The following PIWIL4 variants were observed in gnomAD, a reference collection of about 807,000 sequenced individuals.
The protein encoded by PIWIL4 is piwi-like protein 4.
Under a neutral mutation model 100.9 loss-of-function variants are expected in PIWIL4, and 50 were observed. The observed-to-expected ratio is 0.50, with a 90% CI of 0.39 to 0.63. PIWIL4 has a LOEUF of 0.63. Ranked by LOEUF, PIWIL4 falls within the 20% of genes least tolerant of loss-of-function variation. PIWIL4 has a pLI of 0.00. For synonymous variants in PIWIL4, 342 were observed against 367.5 expected (o/e 0.93, Z 0.79); for missense variants, 887 against 1,043.3 (o/e 0.85, Z 2.06).
Position 94,587,196 on chromosome 11 carries a change from G to A in PIWIL4, c.863G>A (p.Cys288Tyr), listed in dbSNP as rs1328228344. The A allele has an allele frequency of 6.2e-7, 1 of 1,614,028 alleles. No homozygotes were observed. The highest frequency in any genetic ancestry group is 1.3e-5 in the African/African-American group (1 of 74,924). ...TALCQRTGLS[C>Y]FTQTCEKQLI... is the part of the protein sequence containing the mutation. ...CTCTGTCAAAGAACTGGCTTGTCCT[G>A]TTTCACCCAGACGTGTGAGAAGCAG... Residue 288 changes from cysteine to tyrosine, a missense_variant, in exon 7 of 20, where the codon TGT (cysteine) becomes TAT (tyrosine). By Grantham distance (194) the Cys-to-Tyr change is radical. This residue lies in a region of PIWIL4 where 741 missense variants were observed against 930.0 expected (regional missense o/e 0.80). Coordinates refer to ENST00000299001, the MANE Select transcript of PIWIL4 (RefSeq NM_152431.3).
intron 4 of PIWIL4, among the ~76,000 whole-genome samples, chr11:94,578,088 T>A (rs1278902287): frequency 6.6e-6 from 1 of 152,144 alleles, no homozygotes; most frequent in Non-Finnish European, 1.5e-5. Context: ...CTCAAGAAAC[T>A]ATTGCCATGA....
chr11:94,570,034 A>G (rs1948129392), intron 2 of PIWIL4, among the ~76,000 whole-genome samples: 1 of 152,138 alleles, frequency 6.6e-6, no homozygotes. Context: ...GATGGTAGAA[A>G]CCTGGTATCT....
At chr11:94,582,841 C>T (rs889694274) in intron 4 of PIWIL4, among the ~76,000 whole-genome samples, 5 of 151,964 alleles carry the variant, frequency 3.3e-5, no homozygotes, top group African/African-American at 1.2e-4. Context: ...GTTTACTTTC[C>T]CTCTCATTTA....
chr11:94,606,129 G>T (rs886311292), intron 13 of PIWIL4, among the ~76,000 whole-genome samples: 2 of 152,098 alleles, frequency 1.3e-5, no homozygotes, highest in East Asian at 3.9e-4. Context: ...AATGTATGTT[G>T]CATGGCTCCT....
chr11:94,613,243 T>C (rs999717141), intron 15 of PIWIL4, among the ~76,000 whole-genome samples: 1 of 152,244 alleles, frequency 6.6e-6, no homozygotes. Context: ...GTATTCTTGA[T>C]AGATCAGTAG....
At chr11:94,573,705 T>C (rs913428267) in intron 2 of PIWIL4, among the ~76,000 whole-genome samples, 4 of 152,158 alleles carry the variant, frequency 2.6e-5, no homozygotes, top group African/African-American at 9.7e-5. Flanking sequence ...ATGATGAAAA[T>C]CCTTCATCCT....
intron 6 of PIWIL4, among the ~76,000 whole-genome samples, chr11:94,585,899 C>G (rs1565273503): frequency 6.6e-6 from 1 of 152,106 alleles, no homozygotes; most frequent in Non-Finnish European, 1.5e-5. Flanking sequence ...GAGAAGCCAA[C>G]CAAATAACTC....
At chr11:94,583,239 AG>A (rs1272513013) in intron 4 of PIWIL4, among the ~76,000 whole-genome samples, 3 of 152,158 alleles carry the variant, frequency 2.0e-5, no homozygotes, top group African/African-American at 4.8e-5. Context: ...GAAGTTAGAG[AG>A]TAGAGAGATG....
At chr11:94,616,810 G>T (rs1948852979) in intron 16 of PIWIL4, among the ~76,000 whole-genome samples, 2 of 152,196 alleles carry the variant, frequency 1.3e-5, no homozygotes, top group Admixed American at 6.5e-5. Context: ...ATTTGTGGCT[G>T]CTGGTTTCCC....
intron 4 of PIWIL4, among the ~76,000 whole-genome samples, chr11:94,583,042 ATATGTGTG>A (rs1049682146): frequency 1.8e-4 from 25 of 140,428 alleles, no homozygotes; most frequent in Middle Eastern, 3.4e-3. Flanking sequence ...GTATATATAT[ATATGTGTG>A]TGTGTGTGTG....
chr11:94,574,533 G>A (rs982007023), intron 2 of PIWIL4, among the ~76,000 whole-genome samples: 4 of 152,152 alleles, frequency 2.6e-5, no homozygotes, highest in African/African-American at 7.2e-5. Context: ...ACAGGGTCTC[G>A]CCCTGTCGCC....
chr11:94,586,238 C>G (rs1478677040), intron 6 of PIWIL4, among the ~76,000 whole-genome samples: 1 of 151,868 alleles, frequency 6.6e-6, no homozygotes, highest in Non-Finnish European at 1.5e-5. Context: ...TCTGTCCACC[C>G]GGATTAGAAA....
chr11:94,590,082 A>G (rs1948462081), intron 8 of PIWIL4, among the ~76,000 whole-genome samples: 1 of 152,268 alleles, frequency 6.6e-6, no homozygotes, highest in Admixed American at 6.5e-5. Flanking sequence ...AAACAAAAAC[A>G]AAAACCCTTT....
rs768722014 is a variant in PIWIL4, at chr11:94,619,794, T to C, written c.2203T>C (p.Cys735Arg). ...RLSVIVVRKK[C>R]MPRFFTEMNR... Reference sequence around the variant, plus strand: ...GTCGGTGATTGTGGTCAGGAAGAAGTGCATGCCACGATTCTTTACCGAAAT... The same window carrying C: ...GTCGGTGATTGTGGTCAGGAAGAAGCGCATGCCACGATTCTTTACCGAAAT... Residue 735 changes from cysteine (C) to arginine (R), a missense_variant, in exon 18 of 20, where the codon TGC becomes CGC. Coordinates refer to ENST00000299001, the MANE Select transcript of PIWIL4 (RefSeq NM_152431.3). 8 of 1,614,064 alleles carry C rather than the reference T, an allele frequency of 5.0e-6. No individual in the cohort carries two copies. Among genetic ancestry groups the C allele is most frequent in the African/African-American group, 2.7e-5 (2 of 74,940 alleles).
chr11:94,572,772 G>T (rs1017654925), intron 2 of PIWIL4, among the ~76,000 whole-genome samples: 1 of 152,190 alleles, frequency 6.6e-6, no homozygotes, highest in African/African-American at 2.4e-5. Flanking sequence ...GGCAATGTGC[G>T]TTCTTTTTTG....
intron 1 of PIWIL4, among the ~76,000 whole-genome samples, 181 bp from the exon 2 acceptor site, chr11:94,568,549 C>T (rs915103437): frequency 1.3e-5 from 2 of 152,184 alleles, no homozygotes; most frequent in Non-Finnish European, 2.9e-5. Flanking sequence ...AAAACTATAG[C>T]GTGTCCTTAT....
chr11:94,575,232 C>A, intron 3 of PIWIL4, 102 bp downstream of exon 3: 1 of 1,188,972 alleles, frequency 8.4e-7, no homozygotes, highest in Non-Finnish European at 1.2e-6. Flanking sequence ...GTTTGCTTAA[C>A]AGATATTTAC....
intron 11 of PIWIL4, among the ~76,000 whole-genome samples, chr11:94,599,824 CAA>C (rs1374963554): frequency 6.6e-6 from 1 of 152,146 alleles, no homozygotes. Context: ...GTTTGTAAAA[CAA>C]GAGGATTGGG....
In PIWIL4 at chr11:94,604,827, A is replaced by AG. The variant is rs1409045589; in HGVS notation, c.1638+771_1638+772insG. Among the ~76,000 whole-genome samples, 5 of 152,162 alleles carry AG rather than the reference A, an allele frequency of 3.3e-5. No individual in the cohort carries two copies. The South Asian group carries it at 6.2e-4, about 19-fold the overall frequency. ...GTTGTTATGTCATGCAAACTAACTG[A>AG]ACTAGCTAAGTGCTATCTCTTTGCT... is the stretch of plus-strand genomic sequence containing the variant. On this transcript the variant is annotated intron_variant, in intron 13 of 19. Transcript: ENST00000299001.
Sources: gnomAD v4.1 joint callset for allele counts (sites outside exome capture counted in the v4.1 genomes callset) on GRCh38, gnomAD v4.1.1 for gene constraint, gnomAD v4.1.1 regional missense constraint, MANE v1.5 for transcripts, NCBI Gene and HGNC (gene_info 2026-07-23, HGNC 2026-07-21) for gene names.